The following PPM1L variants were observed in gnomAD, a reference collection of about 807,000 sequenced individuals.
PPM1L encodes protein phosphatase, Mg2+/Mn2+ dependent 1L.
A neutral mutation model predicts 31.4 loss-of-function variants in PPM1L; 13 were observed. The ratio of observed to expected loss-of-function variants is 0.41; its 90% CI spans 0.27 to 0.66. The LOEUF is 0.66. Among genes scored for constraint, PPM1L ranks in the 30% least tolerant of loss-of-function variants. The pLI is 0.29. For missense variants in PPM1L, 326 were observed against 453.7 expected (o/e 0.72, Z 2.56); for synonymous variants, 184 against 175.4 (o/e 1.05, Z -0.39).
chr3:161,040,265 T>C (rs960534176), intron 2 of PPM1L, among the ~76,000 whole-genome samples: 11 of 152,200 alleles, frequency 7.2e-5, no homozygotes, highest in Non-Finnish European at 1.2e-4. Flanking sequence ...TAATTGAAAT[T>C]GTAAGTACAA....
intron 2 of PPM1L, among the ~76,000 whole-genome samples, chr3:160,968,519 A>G (rs1716225346): frequency 6.6e-6 from 1 of 152,164 alleles, no homozygotes; most frequent in Non-Finnish European, 1.5e-5. Context: ...CCTCATATTT[A>G]TTTTTATGCT....
chr3:161,033,849 A>T (rs936548656), intron 2 of PPM1L, among the ~76,000 whole-genome samples: 5 of 152,238 alleles, frequency 3.3e-5, no homozygotes, highest in Admixed American at 2.6e-4. Context: ...AATAAGATAT[A>T]ATTCAACTAA....
intron 1 of PPM1L, among the ~76,000 whole-genome samples, chr3:160,943,255 T>C (rs973326267): frequency 6.6e-6 from 1 of 152,200 alleles, no homozygotes; most frequent in Non-Finnish European, 1.5e-5. Flanking sequence ...AAGGTAGCCC[T>C]AAATCATCAA....
chr3:161,071,258 C>G lies in PPM1L; in HGVS notation c.*2101C>G, dbSNP rs546091443. 1 of 152,198 alleles carries G rather than the reference C, an allele frequency of 6.6e-6. No homozygotes were observed. The highest frequency in any genetic ancestry group is 2.4e-5 in the African/African-American group (1 of 41,440). 9.4% of individuals were successfully genotyped at this position (152,198 alleles called of 1,614,324 possible). ...GAAATCAGCACCAATGGTGTCAGCA[C>G]TTTACAGCCCATAGCCAACTTTCTT... On this transcript the variant is annotated 3_prime_UTR_variant, in exon 4 of 4. Coordinates refer to ENST00000498165, the MANE Select transcript of PPM1L (RefSeq NM_139245.4).
At chr3:161,060,223 C>T (rs1169557454) in intron 2 of PPM1L, among the ~76,000 whole-genome samples, 1 of 150,600 alleles carries the variant, frequency 6.6e-6, no homozygotes, top group African/African-American at 2.4e-5. Flanking sequence ...GCTACAACAT[C>T]TTCATATGGG....
chr3:160,934,530 C>T (rs1714895444), intron 1 of PPM1L, among the ~76,000 whole-genome samples: 1 of 152,150 alleles, frequency 6.6e-6, no homozygotes, highest in Admixed American at 6.5e-5. Context: ...GTAATTCCTT[C>T]ACTCCAAAAG....
chr3:160,986,122 C>T (rs1249248457), intron 2 of PPM1L, among the ~76,000 whole-genome samples: 8 of 152,172 alleles, frequency 5.3e-5, no homozygotes, highest in South Asian at 2.1e-4. Context: ...CACATCTCAA[C>T]GTCTCAGTGA....
rs1447424454 is a variant in PPM1L, at chr3:161,075,899, A to G, written c.*6742A>G. On this transcript the variant is annotated 3_prime_UTR_variant, in exon 4 of 4. Coordinates refer to ENST00000498165, the MANE Select transcript of PPM1L (RefSeq NM_139245.4). ...GATCTCATTTATTGCTCTCCTCAAC[A>G]CCTTTACTGTCCCAGATTCCATTCA... is the stretch of plus-strand genomic sequence containing the variant. 1 of 152,170 alleles carries G rather than the reference A, an allele frequency of 6.6e-6. No individual in the cohort carries two copies. Among genetic ancestry groups the G allele is most frequent in the Admixed American group, 6.5e-5 (1 of 15,284 alleles). The allele number at this position is 152,170 out of a possible 1,614,324, so 9.4% of individuals were successfully genotyped here. A position where few individuals can be genotyped will look rare whatever the true frequency, so the allele number is the denominator to read the frequency against.
intron 2 of PPM1L, among the ~76,000 whole-genome samples, chr3:160,967,048 G>A (rs1437125414): frequency 6.6e-6 from 1 of 151,986 alleles, no homozygotes; most frequent in African/African-American, 2.4e-5. Flanking sequence ...GGGACCAGGT[G>A]GGAGGTAATT....
chr3:160,819,557 G>A (rs932000451), intron 1 of PPM1L, among the ~76,000 whole-genome samples: 29 of 151,928 alleles, frequency 1.9e-4, no homozygotes, highest in Non-Finnish European at 3.8e-4. Context: ...CCTACTATGT[G>A]TCAGATTGTC....
rs7611740 is a variant in PPM1L at position 160,891,256 on chromosome 3, A to G, written c.400-70480A>G. Among the ~76,000 whole-genome samples the G allele has an allele frequency of 1.8e-3, 279 of 152,294 alleles. 1 individual carries two copies. The highest frequency in any genetic ancestry group is 6.3e-3 in the African/African-American group (260 of 41,562). ...CAGAGGTCTAATATCCAAAATTTAC[A>G]AGGAGCTTAAACAAATTTACAAAGA... On this transcript the variant is annotated intron_variant, in intron 1 of 3. Transcript: ENST00000498165.
At chr3:161,019,685 C>G (rs1027062405) in intron 2 of PPM1L, among the ~76,000 whole-genome samples, 7 of 152,140 alleles carry the variant, frequency 4.6e-5, no homozygotes, top group Admixed American at 3.9e-4. Context: ...GTTTGTGTTA[C>G]CTGTCACTGC....
At chr3:160,763,693 A>T (rs550609117) in intron 1 of PPM1L, among the ~76,000 whole-genome samples, 23 of 152,328 alleles carry the variant, frequency 1.5e-4, no homozygotes, top group African/African-American at 5.5e-4. Flanking sequence ...CATAAATTCC[A>T]TGCTTTAGTA....
intron 2 of PPM1L, among the ~76,000 whole-genome samples, chr3:161,046,409 T>C (rs908405358): frequency 1.3e-5 from 2 of 152,034 alleles, no homozygotes; most frequent in African/African-American, 2.4e-5. Flanking sequence ...AATCCCTGAA[T>C]AGACCAATAA....
intron 1 of PPM1L, among the ~76,000 whole-genome samples, chr3:160,822,883 A>C (rs1713243839): frequency 6.6e-6 from 1 of 152,130 alleles, no homozygotes; most frequent in Non-Finnish European, 1.5e-5. Context: ...GTTGAATAAG[A>C]ATATCTAAAA....
chr3:161,057,359 C>T (rs941744222), intron 2 of PPM1L, among the ~76,000 whole-genome samples: 3 of 152,042 alleles, frequency 2.0e-5, no homozygotes, highest in Non-Finnish European at 4.4e-5. Flanking sequence ...TGTGATAATT[C>T]CTCCCTGCCT....
At chr3:160,961,688 G>C (rs984753406) in intron 1 of PPM1L, 48 bp from the exon 2 acceptor site, 5 of 1,514,568 alleles carry the variant, frequency 3.3e-6, no homozygotes, top group Middle Eastern at 3.5e-4. Flanking sequence ...AAAGTCTAAG[G>C]GGAGAATTTC....
At chr3:160,781,446 A>G (rs765162314) in intron 1 of PPM1L, among the ~76,000 whole-genome samples, 1 of 152,184 alleles carries the variant, frequency 6.6e-6, no homozygotes, top group Non-Finnish European at 1.5e-5. Flanking sequence ...TGTATATACT[A>G]TAGAAGTCCA....
rs534504015 is a variant in PPM1L at position 160,917,697 on chromosome 3, A to G, written c.400-44039A>G. On this transcript the variant is annotated intron_variant, in intron 1 of 3. Transcript: ENST00000498165. Reference sequence around the variant, plus strand: ...CTATATGCAAAAACACTGATAGCAGATTAGAGAAGGAGAGAATCATATTTT... The same window carrying G: ...CTATATGCAAAAACACTGATAGCAGGTTAGAGAAGGAGAGAATCATATTTT... Among the ~76,000 whole-genome samples the G allele has an allele frequency of 1.1e-4, 16 of 152,224 alleles. No homozygotes were observed. In the South Asian group the frequency reaches 3.1e-3, roughly 30 times the overall value.
Sources: gnomAD v4.1 joint callset for allele counts (sites outside exome capture counted in the v4.1 genomes callset) on GRCh38, gnomAD v4.1.1 for gene constraint, MANE v1.5 for transcripts, NCBI Gene and HGNC (gene_info 2026-07-23, HGNC 2026-07-21) for gene names.